The following ZYG11B variants were observed in gnomAD, a reference collection of about 807,000 sequenced individuals.
ZYG11B encodes the protein zyg-11 family member B, cell cycle regulator.
ZYG11B carries 36 observed loss-of-function variants against 82.4 expected under a neutral mutation model. The ratio of observed to expected loss-of-function variants is 0.44; its 90% confidence interval spans 0.33 to 0.58. The LOEUF is 0.58. Ranked by LOEUF, ZYG11B falls within the 20% of genes least tolerant of loss-of-function variation. ZYG11B has a pLI of 0.02. For missense variants in ZYG11B, 552 were observed against 895.6 expected, an observed-to-expected ratio of 0.62 and a Z score of 4.90; for synonymous variants, 303 against 312.8, an observed-to-expected ratio of 0.97 and a Z score of 0.33.
intron 1 of ZYG11B, among the ~76,000 whole-genome samples, chr1:52,737,369 C>T (rs891345628): frequency 1.3e-5 from 2 of 152,112 alleles, no homozygotes; most frequent in African/African-American, 4.8e-5. Context: ...GCTGTGTCTC[C>T]AGATTGTGAG....
chr1:52,801,424 T>C (rs2149958358), intron 8 of ZYG11B, among the ~76,000 whole-genome samples: 1 of 152,300 alleles, frequency 6.6e-6, no homozygotes, highest in Admixed American at 6.5e-5. Flanking sequence ...AAAATGGGAA[T>C]AACAGTACTA....
intron 2 of ZYG11B, among the ~76,000 whole-genome samples, chr1:52,758,640 A>G (rs1202169439): frequency 6.6e-6 from 1 of 152,164 alleles, no homozygotes; most frequent in African/African-American, 2.4e-5. Context: ...ACTATTAAGT[A>G]TAAGTGCCAA....
At position 52,726,899 on chromosome 1, in the gene ZYG11B, C is replaced by T. The variant is rs760412381; in HGVS notation, c.30+216C>T. ...CCTTTAGGTGACACCCCCTGAATCTCCCTTCTCCCCGATGACATCCTTTTT... is the reference window on the plus strand; with the variant it reads ...CCTTTAGGTGACACCCCCTGAATCTTCCTTCTCCCCGATGACATCCTTTTT... On this transcript the variant is annotated intron_variant, in intron 1 of 13. Coordinates refer to ENST00000294353, the MANE Select transcript of ZYG11B (RefSeq NM_024646.3). 1.7e-3 allele frequency among the ~76,000 whole-genome samples: 256 copies of T among 152,066 alleles called. 2 individuals carry two copies. The highest frequency in any genetic ancestry group is 3.0e-3 in the Non-Finnish European group (203 of 68,028).
intron 2 of ZYG11B, among the ~76,000 whole-genome samples, chr1:52,758,751 A>G (rs1407176425): frequency 6.6e-6 from 1 of 152,174 alleles, no homozygotes; most frequent in Non-Finnish European, 1.5e-5. Context: ...TGTTTTTCAC[A>G]AAGTTTCTCA....
chr1:52,741,287 A>G (rs1264117024), intron 1 of ZYG11B, among the ~76,000 whole-genome samples: 1 of 116,202 alleles, frequency 8.6e-6, no homozygotes, highest in Non-Finnish European at 1.7e-5. Flanking sequence ...CAAAAGAGTG[A>G]GACTTCGTCT....
intron 2 of ZYG11B, among the ~76,000 whole-genome samples, chr1:52,759,183 C>T (rs1378731560): frequency 2.0e-5 from 3 of 152,078 alleles, no homozygotes; most frequent in Admixed American, 1.3e-4. Flanking sequence ...CCACCTGCCT[C>T]GGCCTCCCAA....
chr1:52,813,482 A>C, intron 10 of ZYG11B, 54 bp from the exon 11 acceptor site: 4 of 1,375,800 alleles, frequency 2.9e-6, no homozygotes, highest in Non-Finnish European at 4.0e-6. Flanking sequence ...CAGTTATCTT[A>C]ACCATTTACT....
At chr1:52,781,752 G>A (rs772335632) in intron 4 of ZYG11B, among the ~76,000 whole-genome samples, 27 of 152,174 alleles carry the variant, frequency 1.8e-4, no homozygotes, top group Non-Finnish European at 2.9e-4. Flanking sequence ...GTTCTGTGAC[G>A]TTAAGTAATA....
rs191211790 is a variant in ZYG11B, at chr1:52,777,030, C to T, written c.952-2823C>T. On this transcript the variant is annotated intron_variant, in intron 3 of 13. Transcript: ENST00000294353. ...TTCGAGACCAGCCTGGCCAACATGACGAAATCCCGTCTCTACTAAAAATAC... is the reference window on the plus strand; with the variant it reads ...TTCGAGACCAGCCTGGCCAACATGATGAAATCCCGTCTCTACTAAAAATAC... Among the ~76,000 whole-genome samples, 82 of 151,844 alleles carry T rather than the reference C, an allele frequency of 5.4e-4. No homozygotes were observed. In the East Asian group the frequency reaches 0.011, roughly 21 times the overall value.
chr1:52,814,704 T>TACACAC lies in ZYG11B; in HGVS notation c.1946+815_1946+820dup, dbSNP rs10644507. Among the ~76,000 whole-genome samples, 66 of 92,038 alleles carry TACACAC rather than the reference T, an allele frequency of 7.2e-4. 1 individual carries two copies. Among genetic ancestry groups the TACACAC allele is most frequent in the African/African-American group, 1.6e-3 (59 of 37,592 alleles). 60.4% of individuals were successfully genotyped at this position (92,038 alleles called of 152,430 possible). ...GACAGAGCAAGACTCCAAATGTAAA[T>TACACAC]ACACACACACACACACACACACACA... is the stretch of plus-strand genomic sequence containing the variant. On this transcript the variant is annotated intron_variant, in intron 12 of 13. Coordinates refer to ENST00000294353, the MANE Select transcript of ZYG11B (RefSeq NM_024646.3).
chr1:52,752,781 G>A (rs1183018299), intron 1 of ZYG11B, among the ~76,000 whole-genome samples: 1 of 152,138 alleles, frequency 6.6e-6, no homozygotes, highest in Non-Finnish European at 1.5e-5. Flanking sequence ...AGAACTGGTT[G>A]TTGGCGTGGG....
chr1:52,762,212 CT>C (rs1438109698), intron 2 of ZYG11B, among the ~76,000 whole-genome samples: 188 of 131,462 alleles, frequency 1.4e-3, no homozygotes, highest in Middle Eastern at 7.7e-3. Context: ...GTTGCCTGTG[CT>C]TTTTTTTTTT....
At chr1:52,803,191 C>T (rs867770338) in intron 10 of ZYG11B, among the ~76,000 whole-genome samples, 8 of 69,276 alleles carry the variant, frequency 1.2e-4, no homozygotes, top group African/African-American at 3.1e-4. Flanking sequence ...TATATATACA[C>T]ATATATATAT....
In ZYG11B at chr1:52,779,985, A is replaced by G. The variant is rs1202708907; in HGVS notation, c.1084A>G (p.Ile362Val). 6.2e-7 allele frequency: 1 copy of G among 1,613,288 alleles called. No homozygotes were observed. The highest frequency in any genetic ancestry group is 2.2e-5 in the East Asian group (1 of 44,872). The change falls in exon 4 of 14, where the codon ATT becomes GTT. Residue 362 changes from isoleucine to valine, a missense_variant. Ile to Val is a conservative substitution (Grantham distance 29, BLOSUM62 3). Around this residue, in one of 3 missense-constraint regions of ZYG11B, gnomAD observed 359 missense variants for 555.8 expected, o/e 0.65. Coordinates refer to ENST00000294353, the MANE Select transcript of ZYG11B (RefSeq NM_024646.3). ...TGTGATGGAAAAAACAAAGCCAGAA[A>G]TTTTAAAGGTAAGAATAAGAAACTG... ...THVMEKTKPEILKLVVTGMRN... is the reference protein window; with the variant it reads ...THVMEKTKPEVLKLVVTGMRN...
chr1:52,765,406 A>G lies in ZYG11B; in HGVS notation c.197-5614A>G, dbSNP rs146848158. ...TTTGTAATGGAGATGATGTCTTTCT[A>G]TGTTGTGCAGGCTGGTCTTGAACCC... is the stretch of plus-strand genomic sequence containing the variant. On this transcript the variant is annotated intron_variant, in intron 2 of 13. Coordinates refer to ENST00000294353, the MANE Select transcript of ZYG11B (RefSeq NM_024646.3). Among the ~76,000 whole-genome samples, 1,249 of 152,056 alleles carry G rather than the reference A, an allele frequency of 8.2e-3. 17 individuals are homozygous for G. The Middle Eastern group carries it at 0.13, about 16-fold the overall frequency.
At chr1:52,739,632 G>GTTT (rs59228971) in intron 1 of ZYG11B, among the ~76,000 whole-genome samples, 1 of 150,096 alleles carries the variant, frequency 6.7e-6, no homozygotes, top group African/African-American at 2.4e-5. Context: ...ATTTTAATTT[G>GTTT]TTTTTTTTTG....
At chr1:52,746,982 A>C (rs1644483353) in intron 1 of ZYG11B, among the ~76,000 whole-genome samples, 1 of 151,304 alleles carries the variant, frequency 6.6e-6, no homozygotes, top group Non-Finnish European at 1.5e-5. Context: ...TTGGCATTGA[A>C]GATTGGTTCA....
At chr1:52,738,293 C>T (rs956045863) in intron 1 of ZYG11B, among the ~76,000 whole-genome samples, 1 of 152,178 alleles carries the variant, frequency 6.6e-6, no homozygotes, top group African/African-American at 2.4e-5. Context: ...TCACTGCAGC[C>T]TCAGCCTCCT....
At chr1:52,813,042 A>G (rs1473161720) in intron 10 of ZYG11B, among the ~76,000 whole-genome samples, 1 of 152,130 alleles carries the variant, frequency 6.6e-6, no homozygotes, top group Non-Finnish European at 1.5e-5. Context: ...TACGGTTCAT[A>G]TATAATTTAG....
Sources: gnomAD v4.1 joint callset for allele counts (sites outside exome capture counted in the v4.1 genomes callset) on GRCh38, gnomAD v4.1.1 for gene constraint, gnomAD v4.1.1 regional missense constraint, MANE v1.5 for transcripts, NCBI Gene and HGNC (gene_info 2026-07-23, HGNC 2026-07-21) for gene names.